Variants in FAM20C observed in about 807,000 individuals in gnomAD.
The protein encoded by FAM20C is extracellular serine/threonine protein kinase FAM20C.
Under a neutral mutation model 51.5 loss-of-function variants are expected in FAM20C, and 40 were observed. The ratio of observed to expected loss-of-function variants is 0.78; its 90% CI spans 0.60 to 1.01. FAM20C has a LOEUF of 1.01. Among genes scored for constraint, FAM20C ranks in the 50% least tolerant of loss-of-function variants. The pLI, the probability that FAM20C is intolerant of heterozygous loss-of-function variation, is 0.00. For missense variants in FAM20C, 861 were observed against 844.7 expected (o/e 1.02, Z -0.24); for synonymous variants, 406 against 380.6 (o/e 1.07, Z -0.78).
At chr7:243,111 G>C (rs571487879) in intron 3 of FAM20C, among the ~76,000 whole-genome samples, 1 of 116,596 alleles carries the variant, frequency 8.6e-6, no homozygotes. Flanking sequence ...CGGGAGACCT[G>C]TGCCACCCAA....
intron 3 of FAM20C, among the ~76,000 whole-genome samples, chr7:212,003 T>C (rs928831501): frequency 5.9e-5 from 9 of 152,140 alleles, no homozygotes; most frequent in African/African-American, 1.9e-4. Context: ...CCTGGATCTG[T>C]CATTGATGGA....
chr7:252,650 G>A (rs2115163518), intron 5 of FAM20C, among the ~76,000 whole-genome samples: 1 of 152,346 alleles, frequency 6.6e-6, no homozygotes, highest in Admixed American at 6.5e-5. Context: ...CAAGGTGAGG[G>A]GGCGAGAGGT....
chr7:210,472 G>C (rs1420397046), intron 3 of FAM20C, among the ~76,000 whole-genome samples: 1 of 152,148 alleles, frequency 6.6e-6, no homozygotes, highest in Non-Finnish European at 1.5e-5. Flanking sequence ...GCTTCCCCTG[G>C]TGCTGCGTGG....
chr7:256,640 C>G lies in FAM20C; in HGVS notation c.1254-14C>G, dbSNP rs1447729571. The stretch of plus-strand genomic sequence containing the variant: ...TCTGGCCTGGGCCCCCCGTCTCACG[C>G]TGGCTCCCCGCAGGTGGGAGGTGGA... On this transcript the variant is annotated splice_polypyrimidine_tract_variant and intron_variant, in intron 6 of 9. Coordinates refer to ENST00000313766, the MANE Select transcript of FAM20C (RefSeq NM_020223.4). The G allele has an allele frequency of 6.5e-7, 1 of 1,534,126 alleles. No individual in the cohort carries two copies. The highest frequency in any genetic ancestry group is 2.4e-5 in the East Asian group (1 of 40,890).
rs1009942788 is a variant in FAM20C at position 256,617 on chromosome 7, T to G, written c.1254-37T>G. ...GGCACGCGCCGGGCTCCCCAGAATCTGGCCTGGGCCCCCCGTCTCACGCTG... is the reference window on the plus strand; with the variant it reads ...GGCACGCGCCGGGCTCCCCAGAATCGGGCCTGGGCCCCCCGTCTCACGCTG... On this transcript the variant is annotated intron_variant, in intron 6 of 9. Transcript: ENST00000313766. 2.0e-6 allele frequency: 3 copies of G among 1,499,432 alleles called. No homozygotes were observed. In the African/African-American group the frequency reaches 4.1e-5, roughly 21 times the overall value. The allele number at this position is 1,499,432 out of a possible 1,614,324, so 92.9% of individuals were successfully genotyped here. A position where few individuals can be genotyped will look rare whatever the true frequency, so the allele number is the denominator to read the frequency against.
chr7:229,187 G>T, intron 3 of FAM20C: 1 of 264,374 alleles, frequency 3.8e-6, no homozygotes, highest in Non-Finnish European at 7.6e-6. Flanking sequence ...TAGGCGGATT[G>T]TCTGGGCTCC....
intron 5 of FAM20C, among the ~76,000 whole-genome samples, chr7:250,775 G>T (rs981398290): frequency 6.6e-6 from 1 of 152,254 alleles, no homozygotes; most frequent in African/African-American, 2.4e-5. Flanking sequence ...CTCCGCTCCA[G>T]TGATGCCTGG....
chr7:226,366 C>T (rs947842271), intron 3 of FAM20C, among the ~76,000 whole-genome samples: 2 of 152,144 alleles, frequency 1.3e-5, no homozygotes, highest in South Asian at 4.1e-4. Context: ...AACAGATCAA[C>T]GTTAACAGCG....
At chr7:210,353 G>A (rs929815228) in intron 3 of FAM20C, among the ~76,000 whole-genome samples, 2 of 152,170 alleles carry the variant, frequency 1.3e-5, no homozygotes, top group Non-Finnish European at 2.9e-5. Context: ...GCGTCGCCCG[G>A]AGACCTGAGG....
intron 3 of FAM20C, among the ~76,000 whole-genome samples, chr7:232,096 G>A (rs1033981958): frequency 5.3e-5 from 8 of 152,238 alleles, no homozygotes; most frequent in African/African-American, 9.6e-5. Context: ...CAGACTGGAC[G>A]CCCCTTTCCC....
chr7:242,556 G>A (rs900621351), intron 3 of FAM20C, among the ~76,000 whole-genome samples: 2 of 152,166 alleles, frequency 1.3e-5, no homozygotes, highest in Non-Finnish European at 2.9e-5. Context: ...GGGTGGACTC[G>A]GCCCCCTCCA....
chr7:228,548 G>A, intron 3 of FAM20C: 1 of 456,190 alleles, frequency 2.2e-6, no homozygotes, highest in Non-Finnish European at 4.4e-6. Context: ...GAGGGTGGAA[G>A]GGGAGACGCC....
chr7:202,705 C>A (rs192284775), intron 2 of FAM20C, among the ~76,000 whole-genome samples: 1 of 147,032 alleles, frequency 6.8e-6, no homozygotes, highest in Non-Finnish European at 1.5e-5. Flanking sequence ...ATAGCGAGGA[C>A]GGGTGGCTGC....
intron 3 of FAM20C, among the ~76,000 whole-genome samples, chr7:235,324 C>T (rs1005954011): frequency 1.6e-4 from 25 of 152,124 alleles, no homozygotes; most frequent in Non-Finnish European, 2.9e-4. Flanking sequence ...GCCGGACGCA[C>T]GTGGACTGCC....
At chr7:230,211 G>T (rs1479680196) in intron 3 of FAM20C, among the ~76,000 whole-genome samples, 2 of 152,128 alleles carry the variant, frequency 1.3e-5, no homozygotes, top group Non-Finnish European at 2.9e-5. Context: ...AAACGCAGAG[G>T]AGGAGGCCAA....
intron 2 of FAM20C, among the ~76,000 whole-genome samples, chr7:202,234 C>G (rs978346323): frequency 2.0e-5 from 3 of 151,012 alleles, no homozygotes; most frequent in African/African-American, 7.3e-5. Flanking sequence ...GGGAATGGGG[C>G]TTGTGGACAT....
At chr7:240,558 T>C (rs1487877923) in intron 3 of FAM20C, among the ~76,000 whole-genome samples, 4 of 151,868 alleles carry the variant, frequency 2.6e-5, no homozygotes, top group African/African-American at 7.3e-5. Context: ...AGAGGTGACA[T>C]TGATAGAAAT....
chr7:205,548 C>G (rs912544387), intron 2 of FAM20C, among the ~76,000 whole-genome samples: 3 of 152,176 alleles, frequency 2.0e-5, no homozygotes, highest in Non-Finnish European at 4.4e-5. Flanking sequence ...GCACTGGGCC[C>G]CATTTAACAG....
intron 2 of FAM20C, chr7:197,283 G>A (rs774647262): frequency 1.2e-5 from 2 of 166,892 alleles, no homozygotes; most frequent in African/African-American, 2.4e-5. Context: ...GAGGAGGAAC[G>A]AGCACTTCAG....
Sources: gnomAD v4.1 joint callset for allele counts (sites outside exome capture counted in the v4.1 genomes callset) on GRCh38, gnomAD v4.1.1 for gene constraint, MANE v1.5 for transcripts, NCBI Gene and HGNC (gene_info 2026-07-23, HGNC 2026-07-21) for gene names.